The following INPP4B variants were observed in gnomAD, a reference collection of about 807,000 sequenced individuals.
INPP4B encodes the protein inositol polyphosphate-4-phosphatase type II B.
In INPP4B, 55 loss-of-function variants were observed where a neutral mutation model predicts 122.5. The ratio of observed to expected loss-of-function variants is 0.45; its 90% confidence interval spans 0.36 to 0.56. The LOEUF is 0.56. Among genes scored for constraint, INPP4B ranks in the 20% least tolerant of loss-of-function variants. INPP4B has a pLI of 0.00. For synonymous variants in INPP4B, 403 were observed against 388.7 expected (o/e 1.04, Z -0.43); for missense variants, 1,000 against 1,097.7 (o/e 0.91, Z 1.26).
Position 142,082,069 on chromosome 4 carries a change from G to A in INPP4B, c.2604C>T (p.His868=). 1 of 1,481,128 alleles carries A rather than the reference G, an allele frequency of 6.8e-7. No individual in the cohort carries two copies. The highest frequency in any genetic ancestry group is 9.2e-7 in the Non-Finnish European group (1 of 1,091,046). 91.7% of individuals were successfully genotyped at this position (1,481,128 alleles called of 1,614,324 possible). A position where few individuals can be genotyped will look rare whatever the true frequency, so the allele number is the denominator to read the frequency against. The change falls in exon 25 of 26, where the codon CAC becomes CAT. Residue 868 remains histidine (H), a synonymous_variant. Coordinates refer to ENST00000262992, the MANE Select transcript of INPP4B (RefSeq NM_001101669.3). ...CCAGCGCTCGGATAAAGAAGTCCTT[G>A]TGTAACTGGTGCTCATCTCTCAAGA... ...CSILRDEHQL[H]KDFFIRALDC...
chr4:142,733,891 C>G (rs541979505), intron 1 of INPP4B, among the ~76,000 whole-genome samples: 2 of 152,052 alleles, frequency 1.3e-5, no homozygotes, highest in Non-Finnish European at 2.9e-5. Context: ...TATATTCATA[C>G]AATGAAATGC....
At chr4:142,685,053 A>C (rs1179054347) in intron 2 of INPP4B, among the ~76,000 whole-genome samples, 1 of 152,106 alleles carries the variant, frequency 6.6e-6, no homozygotes, top group Non-Finnish European at 1.5e-5. Context: ...ATTTTCTCTG[A>C]CATTATTCCC....
rs190704768 is a variant in INPP4B at position 142,721,275 on chromosome 4, C to A, written c.-191+4564G>T. 2.6e-3 allele frequency among the ~76,000 whole-genome samples: 397 copies of A among 152,242 alleles called. 1 individual carries two copies. Among genetic ancestry groups the A allele is most frequent in the Non-Finnish European group, 4.4e-3 (302 of 68,016 alleles). ...CTTTCCAAATAACCATGACCCTACT[C>A]CATTTCCATACCTGGCATTTAAGTA... On this transcript the variant is annotated intron_variant, in intron 2 of 25. Coordinates refer to ENST00000262992, the MANE Select transcript of INPP4B (RefSeq NM_001101669.3).
At chr4:142,383,463 C>G (rs969557671) in intron 7 of INPP4B, among the ~76,000 whole-genome samples, 1 of 152,248 alleles carries the variant, frequency 6.6e-6, no homozygotes, top group East Asian at 1.9e-4. Flanking sequence ...TAAATTTCTA[C>G]TTCCTTATCA....
rs1424176982 is a variant in INPP4B, at chr4:142,316,396, G to T, written c.373-1634C>A. On this transcript the variant is annotated intron_variant, in intron 7 of 25. Coordinates refer to ENST00000262992, the MANE Select transcript of INPP4B (RefSeq NM_001101669.3). The stretch of plus-strand genomic sequence containing the variant: ...GACAAGGAAACTATACGCAAATAGT[G>T]GTGGTGGACAATGTATTGTGTGTGC... Among the ~76,000 whole-genome samples the T allele has an allele frequency of 3.3e-5, 5 of 152,164 alleles. No homozygotes were observed. In the South Asian group the frequency reaches 1.0e-3, roughly 32 times the overall value.
chr4:142,066,403 G>A (rs1367040296), intron 25 of INPP4B, among the ~76,000 whole-genome samples: 1 of 152,146 alleles, frequency 6.6e-6, no homozygotes, highest in Non-Finnish European at 1.5e-5. Context: ...TCAAACTTAA[G>A]TGCACATCAG....
chr4:142,560,105 G>A (rs1730120850), intron 2 of INPP4B, among the ~76,000 whole-genome samples: 1 of 152,130 alleles, frequency 6.6e-6, no homozygotes, highest in East Asian at 1.9e-4. Flanking sequence ...TCACAGAAGG[G>A]GGTTTATCAA....
chr4:142,556,587 C>T lies in INPP4B; in HGVS notation c.-190-93861G>A. Among the ~76,000 whole-genome samples the T allele has an allele frequency of 2.0e-5, 3 of 152,134 alleles. 1 individual carries two copies. The Middle Eastern group carries it at 0.01, about 517-fold the overall frequency. ...TGGGCACCAATGACCAAAATGGGGT[C>T]CCCTGGGAAGGAAAGTCAGCTCAGG... On this transcript the variant is annotated intron_variant, in intron 2 of 25. Transcript: ENST00000262992.
intron 7 of INPP4B, among the ~76,000 whole-genome samples, chr4:142,342,648 TTAAAA>T (rs1292250790): frequency 1.3e-5 from 2 of 152,152 alleles, no homozygotes; most frequent in African/African-American, 2.4e-5. Flanking sequence ...AGGAGTTAAA[TTAAAA>T]TAACAGAGAA....
chr4:142,838,935 A>G (rs1783143074), intron 1 of INPP4B, among the ~76,000 whole-genome samples: 1 of 152,268 alleles, frequency 6.6e-6, no homozygotes, highest in Admixed American at 6.5e-5. Context: ...AGAATATGTC[A>G]ACCAGTGCTT....
chr4:142,255,147 A>C (rs867476686), intron 11 of INPP4B, among the ~76,000 whole-genome samples: 2,502 of 151,620 alleles, frequency 0.017, 30 homozygotes, highest in South Asian at 0.039. Flanking sequence ...TACAGACAAG[A>C]AAATGCTGAG....
intron 15 of INPP4B, among the ~76,000 whole-genome samples, chr4:142,182,255 T>TA (rs1172852144): frequency 9.9e-5 from 15 of 152,106 alleles, no homozygotes; most frequent in Admixed American, 9.8e-4. Flanking sequence ...TTCTATGATT[T>TA]AAAAGATTCT....
chr4:142,506,476 T>A (rs565771259), intron 2 of INPP4B, among the ~76,000 whole-genome samples: 1 of 152,286 alleles, frequency 6.6e-6, no homozygotes, highest in Admixed American at 6.5e-5. Flanking sequence ...TTTCAGATCA[T>A]GCTCAAGCAG....
intron 1 of INPP4B, among the ~76,000 whole-genome samples, chr4:142,788,701 G>A (rs575982297): frequency 1.4e-4 from 21 of 152,138 alleles, no homozygotes; most frequent in African/African-American, 4.8e-4. Context: ...TCTCACTTAT[G>A]AGTGAGAACA....
chr4:142,101,071 C>A (rs1421098123), intron 23 of INPP4B, among the ~76,000 whole-genome samples: 1 of 152,004 alleles, frequency 6.6e-6, no homozygotes, highest in Non-Finnish European at 1.5e-5. Context: ...GTCTGGGAAT[C>A]CAGGCTCAAG....
At position 142,797,520 on chromosome 4, in the gene INPP4B, T is replaced by C. The variant is rs571833578; in HGVS notation, c.-254+48689A>G. ...TAAAATATCTATATCTAGGTGATTG[T>C]ACTCCTACAAAATGAAGACAGAAAA... On this transcript the variant is annotated intron_variant, in intron 1 of 25. Transcript: ENST00000262992. Among the ~76,000 whole-genome samples, 203 of 152,086 alleles carry C rather than the reference T, an allele frequency of 1.3e-3. 8 individuals carry two copies. The South Asian group carries it at 0.04, about 30-fold the overall frequency.
intron 1 of INPP4B, among the ~76,000 whole-genome samples, chr4:142,832,374 T>C (rs941307234): frequency 5.3e-5 from 8 of 152,202 alleles, no homozygotes; most frequent in Non-Finnish European, 1.5e-5. Flanking sequence ...TTTATGATGA[T>C]TGTCATCATA....
intron 2 of INPP4B, among the ~76,000 whole-genome samples, chr4:142,662,768 T>C (rs1755427720): frequency 6.6e-6 from 1 of 152,146 alleles, no homozygotes; most frequent in Non-Finnish European, 1.5e-5. Flanking sequence ...AATTAAAAAT[T>C]TGGTGTTTAT....
intron 2 of INPP4B, among the ~76,000 whole-genome samples, chr4:142,493,097 G>C (rs1326877898): frequency 6.6e-6 from 1 of 152,236 alleles, no homozygotes; most frequent in African/African-American, 2.4e-5. Context: ...CCAAGACTTG[G>C]TGGCTTACAT....
Sources: allele counts gnomAD v4.1 joint callset (sites outside exome capture counted in the v4.1 genomes callset), GRCh38; gene constraint gnomAD v4.1.1; transcripts MANE v1.5; gene names NCBI Gene and HGNC (gene_info 2026-07-23, HGNC 2026-07-21).